Variants in PPFIA2 observed in about 807,000 individuals in gnomAD.
PPFIA2 encodes PPFI scaffold protein A2.
Under a neutral mutation model 175.5 loss-of-function variants are expected in PPFIA2, and 46 were observed. The ratio of observed to expected loss-of-function variants is 0.26; its 90% CI spans 0.21 to 0.34. The LOEUF (loss-of-function observed/expected upper bound fraction) is 0.34, where lower values mean the gene tolerates loss of function less well. PPFIA2 is among the 10% of genes least tolerant of loss of function. PPFIA2 has a pLI of 1.00. For synonymous variants in PPFIA2, 568 were observed against 511.4 expected (o/e 1.11, Z -1.49); for missense variants, 1,179 against 1,506.1 (o/e 0.78, Z 3.60).
At chr12:81,295,442 T>G (rs2046219942) in intron 23 of PPFIA2, among the ~76,000 whole-genome samples, 1 of 152,176 alleles carries the variant, frequency 6.6e-6, no homozygotes, top group East Asian at 1.9e-4. Context: ...TTTGGAATTC[T>G]GAGTGAAGAG....
intron 3 of PPFIA2, among the ~76,000 whole-genome samples, chr12:81,703,124 A>T (rs1254371646): frequency 6.6e-6 from 1 of 152,048 alleles, no homozygotes; most frequent in Admixed American, 6.6e-5. Context: ...CTTCTTCTTG[A>T]GGGGTTTCTA....
intron 4 of PPFIA2, among the ~76,000 whole-genome samples, chr12:81,552,432 T>C (rs1291011148): frequency 2.0e-5 from 3 of 151,924 alleles, no homozygotes; most frequent in African/African-American, 7.2e-5. Context: ...ACTTTGTAAA[T>C]ATAGATGCAA....
At chr12:81,297,276 G>C (rs1278407939) in intron 23 of PPFIA2, among the ~76,000 whole-genome samples, 1 of 152,134 alleles carries the variant, frequency 6.6e-6, no homozygotes, top group Non-Finnish European at 1.5e-5. Context: ...CCAGACTCCT[G>C]ACCCATAGAA....
chr12:81,733,454 G>A lies in PPFIA2; in HGVS notation c.249+20519C>T, dbSNP rs117367783. 6.9e-3 allele frequency among the ~76,000 whole-genome samples: 1,041 copies of A among 151,606 alleles called. 6 individuals carry two copies. Among genetic ancestry groups the A allele is most frequent in the Non-Finnish European group, 0.012 (782 of 67,698 alleles). On this transcript the variant is annotated intron_variant, in intron 3 of 32. Coordinates refer to ENST00000549396, the MANE Select transcript of PPFIA2 (RefSeq NM_003625.5). ...CACTTAAAATTTTGTTAAGAGGGTAGATCTCATGTTAAGTGTTCTTACCAC... is the reference window on the plus strand; with the variant it reads ...CACTTAAAATTTTGTTAAGAGGGTAAATCTCATGTTAAGTGTTCTTACCAC...
At chr12:81,740,585 C>T (rs777196361) in intron 3 of PPFIA2, among the ~76,000 whole-genome samples, 9 of 152,150 alleles carry the variant, frequency 5.9e-5, no homozygotes, top group Non-Finnish European at 1.2e-4. Flanking sequence ...CTGTAAAGCT[C>T]TGAAGTGAAC....
intron 22 of PPFIA2, chr12:81,302,836 T>C (rs2138496730): frequency 3.2e-6 from 1 of 310,804 alleles, no homozygotes; most frequent in Non-Finnish European, 6.6e-6. Flanking sequence ...GGCATGTTGG[T>C]TTGAGAGACA....
At chr12:81,692,324 C>A (rs1326068993) in intron 3 of PPFIA2, among the ~76,000 whole-genome samples, 1 of 152,088 alleles carries the variant, frequency 6.6e-6, no homozygotes, top group Non-Finnish European at 1.5e-5. Context: ...ACTTTGATTG[C>A]AGCCTTGTGA....
At chr12:81,598,515 A>G (rs904811076) in intron 4 of PPFIA2, 1 of 267,104 alleles carries the variant, frequency 3.7e-6, no homozygotes, top group Non-Finnish European at 5.8e-6. Context: ...AGCATGTTTC[A>G]TATACTGTTT....
At chr12:81,536,122 C>T (rs2065335946) in intron 4 of PPFIA2, among the ~76,000 whole-genome samples, 2 of 151,684 alleles carry the variant, frequency 1.3e-5, no homozygotes, top group Non-Finnish European at 3.0e-5. Flanking sequence ...GCAAAGAATA[C>T]ACTATGAGAA....
rs1227188576 is a variant in PPFIA2, at chr12:81,365,984, CCCTTCCTTCCTTCCTT to C, written c.1545+1108_1545+1123del. The stretch of plus-strand genomic sequence containing the variant: ...ACTATCCCTCCCTCCCTCCCTCCCT[CCCTTCCTTCCTTCCTT>C]CCTTCCTTCCTTCCTTCCTTCCTTC... On this transcript the variant is annotated intron_variant, in intron 14 of 32. Transcript: ENST00000549396. Among the ~76,000 whole-genome samples the C allele has an allele frequency of 2.7e-3, 112 of 42,076 alleles. 1 individual carries two copies. The highest frequency in any genetic ancestry group is 0.012 in the African/African-American group (97 of 8,112). The allele number at this position is 42,076 out of a possible 152,430, so 27.6% of individuals were successfully genotyped here.
chr12:81,547,988 A>G (rs1305845757), intron 4 of PPFIA2, among the ~76,000 whole-genome samples: 7 of 152,236 alleles, frequency 4.6e-5, no homozygotes, highest in African/African-American at 1.7e-4. Context: ...CTAAACTAAC[A>G]TTCATTGAGC....
chr12:81,450,995 T>C (rs1392790291), intron 5 of PPFIA2, among the ~76,000 whole-genome samples: 1 of 152,076 alleles, frequency 6.6e-6, no homozygotes, highest in Non-Finnish European at 1.5e-5. Flanking sequence ...TAGCTATGGA[T>C]CCATGTATGT....
rs766999248 is a variant in PPFIA2 at position 81,281,430 on chromosome 12, G to T, written c.3039C>A (p.Thr1013=). The change falls in exon 27 of 33, where the codon ACC becomes ACA. Residue 1013 remains threonine (T), a synonymous_variant. Coordinates refer to ENST00000549396, the MANE Select transcript of PPFIA2 (RefSeq NM_003625.5). ...CATGATTCATATCTCCATAAGCCAG[G>T]GTCTGTAGAAAAACCGGACACTAGA... ...SWAQCPVFLQ[T]LAYGDMNHEW... is the part of the protein sequence containing the mutation. 1 of 1,602,768 alleles carries T rather than the reference G, an allele frequency of 6.2e-7. No individual in the cohort carries two copies. Among genetic ancestry groups the T allele is most frequent in the South Asian group, 1.1e-5 (1 of 89,142 alleles).
At chr12:81,296,016 A>G (rs1407108126) in intron 23 of PPFIA2, among the ~76,000 whole-genome samples, 2 of 144,530 alleles carry the variant, frequency 1.4e-5, no homozygotes, top group Non-Finnish European at 3.0e-5. Flanking sequence ...AACAACAACA[A>G]AAAATGAGGC....
At chr12:81,380,348 A>G (rs2037361615) in intron 9 of PPFIA2, among the ~76,000 whole-genome samples, 1 of 152,194 alleles carries the variant, frequency 6.6e-6, no homozygotes, top group South Asian at 2.1e-4. Flanking sequence ...TGGACAACAG[A>G]GCAAGACTCT....
At chr12:81,599,026 C>A (rs1453309572) in intron 4 of PPFIA2, among the ~76,000 whole-genome samples, 1 of 151,888 alleles carries the variant, frequency 6.6e-6, no homozygotes, top group Non-Finnish European at 1.5e-5. Flanking sequence ...ATATTGAATG[C>A]AAACATGTAG....
At chr12:81,705,471 AAAAG>A (rs2077020539) in intron 3 of PPFIA2, among the ~76,000 whole-genome samples, 1 of 150,402 alleles carries the variant, frequency 6.6e-6, no homozygotes, top group African/African-American at 2.4e-5. Context: ...AAAAAAAAAA[AAAAG>A]AAAAGAAAAG....
At chr12:81,572,734 T>A (rs920686887) in intron 4 of PPFIA2, among the ~76,000 whole-genome samples, 5 of 151,982 alleles carry the variant, frequency 3.3e-5, no homozygotes, top group African/African-American at 1.2e-4. Context: ...CAGATCTGTT[T>A]TTTAAACACC....
chr12:81,740,830 C>A (rs758203301), intron 3 of PPFIA2, among the ~76,000 whole-genome samples: 6 of 150,560 alleles, frequency 4.0e-5, no homozygotes, highest in Non-Finnish European at 7.4e-5. Flanking sequence ...TAAGAGCAGG[C>A]CAAAAAAAAA....
Sources: gnomAD v4.1 joint callset for allele counts (sites outside exome capture counted in the v4.1 genomes callset) on GRCh38, gnomAD v4.1.1 for gene constraint, MANE v1.5 for transcripts, NCBI Gene and HGNC (gene_info 2026-07-23, HGNC 2026-07-21) for gene names.